Variants in SGPL1 observed in about 807,000 individuals in gnomAD.
SGPL1 encodes sphingosine-1-phosphate lyase 1.
SGPL1 carries 37 observed loss-of-function variants against 68.9 expected under a neutral mutation model. The observed-to-expected ratio is 0.54, with a 90% CI of 0.41 to 0.71. The LOEUF is 0.71. Ranked by LOEUF, SGPL1 falls within the 30% of genes least tolerant of loss-of-function variation. SGPL1 has a pLI of 0.00. For synonymous variants in SGPL1, 236 were observed against 248.5 expected, an observed-to-expected ratio of 0.95 and a Z score of 0.47; for missense variants, 551 against 704.6, an observed-to-expected ratio of 0.78 and a Z score of 2.47.
rs1775831183 is a variant in SGPL1, at chr10:70,878,204, A to T, written c.*869A>T. ...CTCATTTTCTTTTTCCAGGGCACAG[A>T]TCGACCAAGCTGCCGTTCCCTATTC... On this transcript the variant is annotated 3_prime_UTR_variant, in exon 15 of 15. Transcript: ENST00000373202. 6.6e-6 allele frequency: 1 copy of T among 152,296 alleles called. No individual in the cohort carries two copies. The highest frequency in any genetic ancestry group is 1.5e-5 in the Non-Finnish European group (1 of 68,146). 9.4% of individuals were successfully genotyped at this position (152,296 alleles called of 1,614,324 possible).
chr10:70,825,323 G>C, intron 2 of SGPL1, among the ~76,000 whole-genome samples: 1 of 152,148 alleles, frequency 6.6e-6, no homozygotes, highest in South Asian at 2.1e-4. Flanking sequence ...TAAGGAGTCT[G>C]GTTGATTTAA....
In SGPL1 at chr10:70,877,057, G is replaced by A. The variant is rs1589479450; in HGVS notation, c.1567-138G>A. The A allele has an allele frequency of 2.0e-5, 15 of 747,838 alleles. No homozygotes were observed. The East Asian group carries it at 3.5e-4, about 18-fold the overall frequency. The allele number at this position is 747,838 out of a possible 1,614,324, so 46.3% of individuals were successfully genotyped here. On this transcript the variant is annotated intron_variant, in intron 14 of 14. Coordinates refer to ENST00000373202, the MANE Select transcript of SGPL1 (RefSeq NM_003901.4). ...CCAGCTGTTTTTCTGATAGAATGAT[G>A]GGATGCCTTAGGTGGAAATGGGGTA...
chr10:70,843,797 C>T (rs1034584460), intron 2 of SGPL1, among the ~76,000 whole-genome samples: 1 of 152,100 alleles, frequency 6.6e-6, no homozygotes, highest in African/African-American at 2.4e-5. Flanking sequence ...CTGGCTCTTG[C>T]CTGCTTTTAT....
At chr10:70,851,002 G>GT (rs1409262608) in intron 3 of SGPL1, 141 bp from the exon 4 acceptor site, 11 of 653,394 alleles carry the variant, frequency 1.7e-5, no homozygotes, top group Non-Finnish European at 2.7e-5. Flanking sequence ...AAATTTAAAA[G>GT]TTTTTTTAAA....
At chr10:70,817,200 A>G (rs1845249079) in intron 2 of SGPL1, among the ~76,000 whole-genome samples, 1 of 151,932 alleles carries the variant, frequency 6.6e-6, no homozygotes, top group Non-Finnish European at 1.5e-5. Context: ...TTGTATTTTT[A>G]GTAGAGACGG....
At chr10:70,854,976 ACT>A (rs1199063775) in intron 5 of SGPL1, 121 bp downstream of exon 5, 7 of 795,514 alleles carry the variant, frequency 8.8e-6, no homozygotes, top group Admixed American at 3.0e-5. Context: ...AGGAGGGCCT[ACT>A]CTCTGTTTCA....
At chr10:70,876,358 C>G (rs1846385131) in intron 13 of SGPL1, among the ~76,000 whole-genome samples, 183 bp from the exon 14 acceptor site, 1 of 152,226 alleles carries the variant, frequency 6.6e-6, no homozygotes, top group Admixed American at 6.5e-5. Flanking sequence ...TGAGGCCAGC[C>G]CATGCCTGAC....
chr10:70,852,582 A>G (rs1451700035), intron 4 of SGPL1, among the ~76,000 whole-genome samples: 7 of 152,172 alleles, frequency 4.6e-5, no homozygotes, highest in South Asian at 4.1e-4. Flanking sequence ...GGGTTCCAGA[A>G]CCCACTCTTA....
At position 70,867,077 on chromosome 10, in the gene SGPL1, G is replaced by GA. The variant is rs563369468; in HGVS notation, c.616-1262dup. Among the ~76,000 whole-genome samples, 54 of 152,232 alleles carry GA rather than the reference G, an allele frequency of 3.5e-4. No individual in the cohort carries two copies. In the South Asian group the frequency reaches 5.4e-3, roughly 15 times the overall value. ...GGCTCAGTTTTCTCACCTGTAAATTGAAAAAACCTTTCAAAGATTGTATGA... is the reference window on the plus strand; with the variant it reads ...GGCTCAGTTTTCTCACCTGTAAATTGAAAAAAACCTTTCAAAGATTGTATGA... On this transcript the variant is annotated intron_variant, in intron 7 of 14. Transcript: ENST00000373202.
intron 3 of SGPL1, among the ~76,000 whole-genome samples, chr10:70,846,489 G>C (rs1408066233): frequency 6.6e-6 from 1 of 151,846 alleles, no homozygotes; most frequent in African/African-American, 2.4e-5. Context: ...TTAGTCCTGT[G>C]GCAGTAAGTA....
chr10:70,851,440 C>A (rs1161036136), intron 4 of SGPL1, among the ~76,000 whole-genome samples: 1 of 151,984 alleles, frequency 6.6e-6, no homozygotes, highest in Non-Finnish European at 1.5e-5. Context: ...AAACATCCTA[C>A]AGTGTACAGG....
intron 11 of SGPL1, 41 bp downstream of exon 11, chr10:70,872,027 T>C: frequency 6.3e-7 from 1 of 1,575,512 alleles, no homozygotes; most frequent in Non-Finnish European, 8.6e-7. Context: ...GTTGATTATT[T>C]TGACTATTAT....
At chr10:70,834,198 G>A (rs570588948) in intron 2 of SGPL1, among the ~76,000 whole-genome samples, 1 of 152,278 alleles carries the variant, frequency 6.6e-6, no homozygotes, top group South Asian at 2.1e-4. Context: ...AATCACCGGA[G>A]GGAGGTTTAC....
At chr10:70,864,208 C>T (rs762727184) in intron 7 of SGPL1, among the ~76,000 whole-genome samples, 1 of 152,046 alleles carries the variant, frequency 6.6e-6, no homozygotes, top group Non-Finnish European at 1.5e-5. Context: ...TTTGAAAGCC[C>T]CTTTCTCCCT....
rs1846419476 is a variant in SGPL1 at position 70,877,701 on chromosome 10, G to C, written c.*366G>C. On this transcript the variant is annotated 3_prime_UTR_variant, in exon 15 of 15. Coordinates refer to ENST00000373202, the MANE Select transcript of SGPL1 (RefSeq NM_003901.4). ...AAGCTGGGGTACAGTTTATGAGATA[G>C]CTAGAGCTTCTTTGTTATCTCAGGC... is the stretch of plus-strand genomic sequence containing the variant. 5.6e-6 allele frequency: 1 copy of C among 179,948 alleles called. No homozygotes were observed. 11.1% of individuals were successfully genotyped at this position (179,948 alleles called of 1,614,324 possible). A position where few individuals can be genotyped will look rare whatever the true frequency, so the allele number is the denominator to read the frequency against.
chr10:70,861,309 TG>T (rs1345873903), intron 7 of SGPL1, among the ~76,000 whole-genome samples: 5 of 152,182 alleles, frequency 3.3e-5, no homozygotes, highest in Non-Finnish European at 7.4e-5. Flanking sequence ...CACATCTAAC[TG>T]GTGTTTGAGA....
chr10:70,836,622 T>C (rs1275531845), intron 2 of SGPL1, among the ~76,000 whole-genome samples: 3 of 152,126 alleles, frequency 2.0e-5, no homozygotes, highest in Non-Finnish European at 4.4e-5. Context: ...CCAAGTTGTA[T>C]TGGAGTGCAG....
At chr10:70,838,332 C>A (rs374374130) in intron 2 of SGPL1, among the ~76,000 whole-genome samples, 4 of 152,102 alleles carry the variant, frequency 2.6e-5, no homozygotes, top group Admixed American at 6.5e-5. Flanking sequence ...AGTACCAGTT[C>A]GTAAGATTTT....
At chr10:70,839,027 A>C (rs1845674841) in intron 2 of SGPL1, among the ~76,000 whole-genome samples, 1 of 152,224 alleles carries the variant, frequency 6.6e-6, no homozygotes, top group Non-Finnish European at 1.5e-5. Flanking sequence ...AAGGTCTTGC[A>C]TCCTTAAAGT....
Sources: gnomAD v4.1 joint callset for allele counts (sites outside exome capture counted in the v4.1 genomes callset) on GRCh38, gnomAD v4.1.1 for gene constraint, MANE v1.5 for transcripts, NCBI Gene and HGNC (gene_info 2026-07-23, HGNC 2026-07-21) for gene names.